RPTOR: variants seen among roughly 807,000 people sequenced by gnomAD.
RPTOR encodes the protein regulatory associated protein of MTOR complex 1.
In RPTOR, 21 loss-of-function variants were observed where a neutral mutation model predicts 169.9. The ratio of observed to expected loss-of-function variants is 0.12; its 90% CI spans 0.09 to 0.18. The LOEUF is 0.18. Among genes scored for constraint, RPTOR ranks in the 10% least tolerant of loss-of-function variants. The pLI, the probability that RPTOR is intolerant of heterozygous loss-of-function variation, is 1.00. For missense variants in RPTOR, 1,133 were observed against 1,855.9 expected (o/e 0.61, Z 7.16); for synonymous variants, 732 against 753.2 (o/e 0.97, Z 0.46).
At chr17:80,922,066 A>G (rs2068751757) in intron 21 of RPTOR, among the ~76,000 whole-genome samples, 1 of 152,146 alleles carries the variant, frequency 6.6e-6, no homozygotes, top group African/African-American at 2.4e-5. Context: ...TCATTCTCTG[A>G]CAGTTTCTGT....
At chr17:80,765,272 G>A (rs1312594876) in intron 6 of RPTOR, among the ~76,000 whole-genome samples, 1 of 152,154 alleles carries the variant, frequency 6.6e-6, no homozygotes, top group African/African-American at 2.4e-5. Flanking sequence ...CTTGCTCTCA[G>A]TTCTTCTTTT....
intron 6 of RPTOR, among the ~76,000 whole-genome samples, chr17:80,757,090 C>T (rs1225801565): frequency 1.3e-5 from 2 of 151,926 alleles, no homozygotes; most frequent in African/African-American, 2.4e-5. Flanking sequence ...GGGAAAGGGT[C>T]GAGATGGGAA....
rs1250497283 is a variant in RPTOR at position 80,965,993 on chromosome 17, C to T, written c.*1663C>T. On this transcript the variant is annotated 3_prime_UTR_variant, in exon 34 of 34. Transcript: ENST00000306801. ...ACACCAGAATCTTCCAGAAGCCCAG[C>T]TCCACCCGCACACGCAGCTTCCCAT... 1 of 233,330 alleles carries T rather than the reference C, an allele frequency of 4.3e-6. No individual in the cohort carries two copies. Among genetic ancestry groups the T allele is most frequent in the Non-Finnish European group, 8.5e-6 (1 of 118,182 alleles). 14.5% of individuals were successfully genotyped at this position (233,330 alleles called of 1,614,324 possible).
chr17:80,647,953 C>T (rs1370122552), intron 3 of RPTOR, among the ~76,000 whole-genome samples: 1 of 152,172 alleles, frequency 6.6e-6, no homozygotes, highest in African/African-American at 2.4e-5. Flanking sequence ...AGCTTCCCTT[C>T]AGTTCACCGT....
At chr17:80,896,520 G>A (rs988598460) in intron 20 of RPTOR, among the ~76,000 whole-genome samples, 26 of 97,902 alleles carry the variant, frequency 2.7e-4, no homozygotes, top group African/African-American at 8.5e-4. Flanking sequence ...CCGACACCCC[G>A]CATAGCCACC....
At chr17:80,590,653 C>G (rs961493657) in intron 1 of RPTOR, among the ~76,000 whole-genome samples, 9 of 152,276 alleles carry the variant, frequency 5.9e-5, no homozygotes, top group Non-Finnish European at 1.0e-4. Context: ...CACACAGTGT[C>G]TTTAATGGTT....
chr17:80,593,826 T>C (rs879396597), intron 1 of RPTOR: 1 of 152,352 alleles, frequency 6.6e-6, no homozygotes, highest in Admixed American at 6.5e-5. Flanking sequence ...AGGCTTTTTA[T>C]TGTTAATTTG....
intron 7 of RPTOR, among the ~76,000 whole-genome samples, chr17:80,817,192 C>G (rs888293441): frequency 1.3e-4 from 20 of 152,248 alleles, no homozygotes; most frequent in African/African-American, 4.8e-4. Flanking sequence ...AAAATCCAAG[C>G]CTCTGAGAGG....
intron 6 of RPTOR, among the ~76,000 whole-genome samples, chr17:80,770,047 T>G: frequency 6.6e-6 from 1 of 152,168 alleles, no homozygotes; most frequent in East Asian, 1.9e-4. Flanking sequence ...TTTCTCCCGG[T>G]TCTGGAGGCT....
At chr17:80,712,644 TG>T (rs752874673) in intron 4 of RPTOR, among the ~76,000 whole-genome samples, 3 of 152,246 alleles carry the variant, frequency 2.0e-5, no homozygotes, top group Non-Finnish European at 4.4e-5. Context: ...TGCAAATTTT[TG>T]TATGGATATA....
rs8073212 is a variant in RPTOR at position 80,876,554 on chromosome 17, T to C, written c.1510-3861T>C. ...GCCTGCCGTGTCTTCCCACCGAGCC[T>C]GTGCCACGCAGGGTGTGTGTGTCGC... On this transcript the variant is annotated intron_variant, in intron 13 of 33. Coordinates refer to ENST00000306801, the MANE Select transcript of RPTOR (RefSeq NM_020761.3). 7.4e-3 allele frequency among the ~76,000 whole-genome samples: 399 copies of C among 53,726 alleles called. 9 individuals carry two copies. Among genetic ancestry groups the C allele is most frequent in the African/African-American group, 0.016 (171 of 10,510 alleles). 35.2% of individuals were successfully genotyped at this position (53,726 alleles called of 152,430 possible). A position where few individuals can be genotyped will look rare whatever the true frequency, so the allele number is the denominator to read the frequency against.
intron 5 of RPTOR, among the ~76,000 whole-genome samples, chr17:80,734,302 G>A (rs897158498): frequency 6.6e-6 from 1 of 152,156 alleles, no homozygotes; most frequent in Non-Finnish European, 1.5e-5. Flanking sequence ...TCGCTCAGCC[G>A]ATCGTGCCTG....
chr17:80,748,603 T>TTGGG (rs1243488293), intron 5 of RPTOR, among the ~76,000 whole-genome samples: 6 of 85,310 alleles, frequency 7.0e-5, no homozygotes, highest in Non-Finnish European at 2.3e-5. Flanking sequence ...GGAGGACCTG[T>TTGGG]TGGATGGAGG....
Position 80,814,018 on chromosome 17 carries a change from C to T in RPTOR, c.891-8183C>T, listed in dbSNP as rs144205854. On this transcript the variant is annotated intron_variant, in intron 7 of 33. Transcript: ENST00000306801. ...CGTGTGGTGGCATGTGCCTGTGGTC[C>T]CAGCTACTTGGGAGGCTGAGGCTGA... 2.4e-3 allele frequency among the ~76,000 whole-genome samples: 372 copies of T among 152,136 alleles called. 2 individuals carry two copies. Among genetic ancestry groups the T allele is most frequent in the African/African-American group, 7.7e-3 (321 of 41,504 alleles).
At chr17:80,822,924 C>T (rs890429081) in intron 8 of RPTOR, among the ~76,000 whole-genome samples, 155 bp from the exon 9 acceptor site, 6 of 151,884 alleles carry the variant, frequency 4.0e-5, no homozygotes, top group Admixed American at 1.3e-4. Flanking sequence ...AGTGTGTGTA[C>T]GTGTGTGTTT....
chr17:80,585,413 C>T (rs1045869597), intron 1 of RPTOR, among the ~76,000 whole-genome samples: 2 of 152,094 alleles, frequency 1.3e-5, no homozygotes, highest in African/African-American at 2.4e-5. Context: ...ATCATGTTGG[C>T]CAGGCTGGTC....
intron 9 of RPTOR, among the ~76,000 whole-genome samples, chr17:80,832,549 G>A (rs1012165532): frequency 2.0e-5 from 3 of 152,206 alleles, no homozygotes; most frequent in Admixed American, 6.5e-5. Context: ...GAGGCACAAA[G>A]GAGTGAGGAG....
intron 11 of RPTOR, 65 bp from the exon 12 acceptor site, chr17:80,855,399 G>C (rs2143743733): frequency 8.2e-7 from 1 of 1,214,140 alleles, no homozygotes. Context: ...AGCTCATGCA[G>C]CAGCGTTTCG....
In RPTOR at chr17:80,890,917, G is replaced by A. The variant is rs188665140; in HGVS notation, c.1984-803G>A. Among the ~76,000 whole-genome samples the A allele has an allele frequency of 8.8e-4, 134 of 152,262 alleles. 7 individuals carry two copies. The East Asian group carries it at 0.016, about 18-fold the overall frequency. On this transcript the variant is annotated intron_variant, in intron 17 of 33. Transcript: ENST00000306801. ...ATCCAGCCGCTGTGGAGACAGGGGC[G>A]TCACGCGACTAGCAAGGGGTCCTCT... is the stretch of plus-strand genomic sequence containing the variant.
Sources: gnomAD v4.1 joint callset for allele counts (sites outside exome capture counted in the v4.1 genomes callset) on GRCh38, gnomAD v4.1.1 for gene constraint, MANE v1.5 for transcripts, NCBI Gene and HGNC (gene_info 2026-07-23, HGNC 2026-07-21) for gene names.